Variants in CCDC6 observed in about 807,000 individuals in gnomAD.
CCDC6 encodes coiled-coil domain-containing protein 6.
In CCDC6, 20 loss-of-function variants were observed where a neutral mutation model predicts 56.6. The observed-to-expected ratio is 0.35, with a 90% CI of 0.25 to 0.51. CCDC6 has a LOEUF of 0.51. Among genes scored for constraint, CCDC6 ranks in the 20% least tolerant of loss-of-function variants. CCDC6 has a pLI of 0.95. For missense variants in CCDC6, 367 were observed against 601.1 expected, an observed-to-expected ratio of 0.61 and a Z score of 4.07; for synonymous variants, 241 against 234.4, an observed-to-expected ratio of 1.03 and a Z score of -0.26.
At chr10:59,815,639 G>C (rs1416257658) in intron 3 of CCDC6, among the ~76,000 whole-genome samples, 1 of 152,164 alleles carries the variant, frequency 6.6e-6, no homozygotes. Context: ...GCAATGAGTA[G>C]AGGACATGTA....
intron 3 of CCDC6, among the ~76,000 whole-genome samples, chr10:59,817,206 G>C (rs552086604): frequency 6.6e-6 from 1 of 152,284 alleles, no homozygotes; most frequent in Non-Finnish European, 1.5e-5. Context: ...CTTGAGACAA[G>C]GTCTCGCTCT....
At chr10:59,898,543 G>T (rs1413926889) in intron 1 of CCDC6, among the ~76,000 whole-genome samples, 1 of 152,184 alleles carries the variant, frequency 6.6e-6, no homozygotes, top group Non-Finnish European at 1.5e-5. Context: ...GTGTGTGTTG[G>T]TTCCTTCTGC....
intron 7 of CCDC6, among the ~76,000 whole-genome samples, chr10:59,802,564 T>C (rs996499389): frequency 2.0e-5 from 3 of 152,176 alleles, no homozygotes; most frequent in Admixed American, 6.6e-5. Context: ...GGTGATGTTA[T>C]AGAATTTAAA....
chr10:59,885,661 G>A (rs1046638685), intron 1 of CCDC6, among the ~76,000 whole-genome samples: 7 of 152,132 alleles, frequency 4.6e-5, no homozygotes, highest in Non-Finnish European at 7.4e-5. Flanking sequence ...CAGTTCTGTC[G>A]CTTTCAGGAT....
intron 7 of CCDC6, among the ~76,000 whole-genome samples, chr10:59,799,904 A>G (rs2070558486): frequency 6.6e-6 from 1 of 152,170 alleles, no homozygotes; most frequent in South Asian, 2.1e-4. Flanking sequence ...ATGAAAGGAG[A>G]TAATATCACA....
intron 3 of CCDC6, among the ~76,000 whole-genome samples, chr10:59,818,497 G>GC (rs1173660514): frequency 1.9e-5 from 2 of 103,484 alleles, no homozygotes; most frequent in Non-Finnish European, 3.9e-5. Context: ...AATGTTGACG[G>GC]GGGGGGGGGA....
At chr10:59,906,048 G>A in intron 1 of CCDC6, 74 bp downstream of exon 1, 1 of 1,286,462 alleles carries the variant, frequency 7.8e-7, no homozygotes, top group Admixed American at 2.2e-5. Context: ...CTTGGGGGGT[G>A]GCTGGATTCG....
rs1564734385 is a variant in CCDC6, at chr10:59,789,187, G to T, written c.*3730C>A. The stretch of plus-strand genomic sequence containing the variant: ...TTTGCCAGGATGAAGTTCAGACCGA[G>T]ATGTACAATACAATCTAGATGACGG... On this transcript the variant is annotated 3_prime_UTR_variant, in exon 9 of 9. Coordinates refer to ENST00000263102, the MANE Select transcript of CCDC6 (RefSeq NM_005436.5). 1 of 231,032 alleles carries T rather than the reference G, an allele frequency of 4.3e-6. No homozygotes were observed. Among genetic ancestry groups the T allele is most frequent in the East Asian group, 6.1e-5 (1 of 16,270 alleles). 14.3% of individuals were successfully genotyped at this position (231,032 alleles called of 1,614,324 possible). A position where few individuals can be genotyped will look rare whatever the true frequency, so the allele number is the denominator to read the frequency against.
At chr10:59,841,899 C>A (rs1169995870) in intron 2 of CCDC6, among the ~76,000 whole-genome samples, 4 of 151,968 alleles carry the variant, frequency 2.6e-5, no homozygotes, top group Admixed American at 2.6e-4. Context: ...GATCTCCTGA[C>A]CTCATGATCC....
intron 1 of CCDC6, among the ~76,000 whole-genome samples, chr10:59,890,838 C>T (rs1447114997): frequency 1.3e-5 from 2 of 151,944 alleles, no homozygotes; most frequent in South Asian, 2.1e-4. Flanking sequence ...CCCGTTAACT[C>T]GTCATTTACA....
At chr10:59,836,085 GAGA>G (rs1434564696) in intron 2 of CCDC6, among the ~76,000 whole-genome samples, 1 of 145,918 alleles carries the variant, frequency 6.9e-6, no homozygotes, top group Non-Finnish European at 1.5e-5. Flanking sequence ...GCTTGCTTGA[GAGA>G]AGCACAGAAG....
intron 1 of CCDC6, among the ~76,000 whole-genome samples, chr10:59,902,677 GGCA>G (rs1222615913): frequency 1.3e-5 from 2 of 152,162 alleles, no homozygotes; most frequent in Non-Finnish European, 2.9e-5. Context: ...TGGGATTACA[GGCA>G]TGAGCCACCG....
chr10:59,868,107 C>T lies in CCDC6; in HGVS notation c.304-15405G>A, dbSNP rs145957949. Among the ~76,000 whole-genome samples, 1,213 of 152,198 alleles carry T rather than the reference C, an allele frequency of 8.0e-3. 19 individuals are homozygous for T. Among genetic ancestry groups the T allele is most frequent in the African/African-American group, 0.028 (1,159 of 41,522 alleles). On this transcript the variant is annotated intron_variant, in intron 1 of 8. Coordinates refer to ENST00000263102, the MANE Select transcript of CCDC6 (RefSeq NM_005436.5). ...TTTCTAAATTGATTGAGACCTGCTT[C>T]ACAGGCGTGTCCTTAACCTTGGCAA...
chr10:59,860,565 C>T (rs942111685), intron 1 of CCDC6, among the ~76,000 whole-genome samples: 6 of 152,014 alleles, frequency 3.9e-5, no homozygotes, highest in Non-Finnish European at 7.4e-5. Flanking sequence ...GCAAGAACAC[C>T]GAGGAAAGTG....
intron 2 of CCDC6, among the ~76,000 whole-genome samples, chr10:59,841,273 T>C (rs2070935909): frequency 6.6e-6 from 1 of 152,254 alleles, no homozygotes; most frequent in Admixed American, 6.5e-5. Context: ...AAAATCTATT[T>C]GGCTAGCTTC....
chr10:59,892,105 G>C (rs190535266), intron 1 of CCDC6, among the ~76,000 whole-genome samples: 1 of 152,334 alleles, frequency 6.6e-6, no homozygotes, highest in Admixed American at 6.5e-5. Flanking sequence ...CTTTAAACCA[G>C]CAGCTAAGGA....
rs192465429 is a variant in CCDC6 at position 59,841,631 on chromosome 10, T to G, written c.454-8978A>C. ...GCTAGAAATCCACGACAACAATCAA[T>G]ATAGGTAAATGCAGCAGGCATCCGT... On this transcript the variant is annotated intron_variant, in intron 2 of 8. Transcript: ENST00000263102. Among the ~76,000 whole-genome samples the G allele has an allele frequency of 8.5e-5, 13 of 152,068 alleles. No homozygotes were observed. In the East Asian group the frequency reaches 2.5e-3, roughly 29 times the overall value.
At chr10:59,811,301 G>A (rs1479315609) in intron 5 of CCDC6, among the ~76,000 whole-genome samples, 5 of 152,162 alleles carry the variant, frequency 3.3e-5, no homozygotes, top group African/African-American at 4.8e-5. Flanking sequence ...CTTCAGAGAC[G>A]AAAACAAAGG....
At chr10:59,801,343 C>T (rs1262058751) in intron 7 of CCDC6, among the ~76,000 whole-genome samples, 1 of 152,164 alleles carries the variant, frequency 6.6e-6, no homozygotes, top group Non-Finnish European at 1.5e-5. Flanking sequence ...GCTTCTTTCC[C>T]TACCACTCCA....
Sources: gnomAD v4.1 joint callset for allele counts (sites outside exome capture counted in the v4.1 genomes callset) on GRCh38, gnomAD v4.1.1 for gene constraint, MANE v1.5 for transcripts, NCBI Gene and HGNC (gene_info 2026-07-23, HGNC 2026-07-21) for gene names.